CSMD3: variants seen among roughly 807,000 people sequenced by gnomAD.
CSMD3 encodes the protein CUB and Sushi multiple domains 3, also known as CUB and sushi domain-containing protein 3.
CSMD3 carries 177 observed loss-of-function variants against 435.2 expected under a neutral mutation model. That is an observed-to-expected ratio of 0.41 (90% confidence interval 0.36 to 0.46). The LOEUF (loss-of-function observed/expected upper bound fraction) is 0.46. Ranked by LOEUF, CSMD3 falls within the 20% of genes least tolerant of loss-of-function variation. The probability of loss-of-function intolerance (pLI) is 0.34; values close to 1 mark genes in which losing one functional copy is unlikely to be tolerated. For missense variants in CSMD3, 4,265 were observed against 4,504.6 expected, an observed-to-expected ratio of 0.95 and a Z score of 1.52; for synonymous variants, 1,656 against 1,520.5, an observed-to-expected ratio of 1.09 and a Z score of -2.07.
intron 23 of CSMD3, among the ~76,000 whole-genome samples, chr8:112,585,811 C>A (rs961169137): frequency 1.3e-5 from 2 of 151,450 alleles, no homozygotes; most frequent in African/African-American, 4.8e-5. Flanking sequence ...ATACATTTTC[C>A]CCCCATAATT....
chr8:112,383,579 C>T lies in CSMD3; in HGVS notation c.6019G>A (p.Gly2007Arg), dbSNP rs2131254379. Residue 2007 changes from glycine to arginine, a missense_variant, in exon 37 of 71, where the codon GGA (glycine) becomes AGA (arginine). Around this residue, in one of 3 missense-constraint regions of CSMD3, gnomAD observed 3,255 missense variants for 3,380.2 expected, o/e 0.96. Transcript: ENST00000297405. The stretch of plus-strand genomic sequence containing the variant: ...CTCTCTTATTTACCTGAATAGCTTC[C>T]AAGTCTTGGAGCATTGTTGTCTCCC... ...DGGDNNAPRLGSYSGTTIPHL... is the reference protein window; with the variant it reads ...DGGDNNAPRLRSYSGTTIPHL... The T allele has an allele frequency of 1.3e-6, 2 of 1,568,316 alleles. No individual in the cohort carries two copies. The highest frequency in any genetic ancestry group is 1.8e-6 in the Non-Finnish European group (2 of 1,138,534).
At chr8:112,890,009 T>C (rs2081735277) in intron 10 of CSMD3, among the ~76,000 whole-genome samples, 4 of 151,642 alleles carry the variant, frequency 2.6e-5, no homozygotes, top group Admixed American at 2.0e-4. Flanking sequence ...TTTTTATGTG[T>C]AATATATGTG....
At chr8:113,162,313 C>T (rs745536085) in intron 4 of CSMD3, among the ~76,000 whole-genome samples, 3 of 151,828 alleles carry the variant, frequency 2.0e-5, no homozygotes, top group African/African-American at 4.8e-5. Context: ...CGGTAGCTCA[C>T]GCCTGTAATC....
At chr8:113,359,184 C>T (rs1245499906) in intron 1 of CSMD3, among the ~76,000 whole-genome samples, 3 of 152,078 alleles carry the variant, frequency 2.0e-5, no homozygotes, top group South Asian at 2.1e-4. Flanking sequence ...AAGGTACTGG[C>T]GAAGCAAATC....
chr8:112,292,437 A>C, intron 55 of CSMD3, 100 bp downstream of exon 55: 1 of 1,207,484 alleles, frequency 8.3e-7, no homozygotes, highest in Non-Finnish European at 1.2e-6. Context: ...ATTAGATAAA[A>C]ACTTTTTACT....
At chr8:112,514,081 C>A (rs1037801306) in intron 28 of CSMD3, among the ~76,000 whole-genome samples, 2 of 152,034 alleles carry the variant, frequency 1.3e-5, no homozygotes, top group African/African-American at 4.8e-5. Context: ...CTTCTAGAGA[C>A]AAGGTCTTAC....
intron 13 of CSMD3, among the ~76,000 whole-genome samples, chr8:112,746,557 T>C: frequency 6.6e-6 from 1 of 152,212 alleles, no homozygotes; most frequent in East Asian, 1.9e-4. Context: ...ATATATAGTG[T>C]TGTTCTTTCT....
At chr8:112,950,540 A>C (rs1259174616) in intron 8 of CSMD3, among the ~76,000 whole-genome samples, 3 of 152,058 alleles carry the variant, frequency 2.0e-5, no homozygotes. Context: ...TATTTTATAT[A>C]AATTTAAATG....
chr8:113,081,037 T>C (rs567820225), intron 5 of CSMD3, among the ~76,000 whole-genome samples: 1 of 152,198 alleles, frequency 6.6e-6, no homozygotes, highest in Non-Finnish European at 1.5e-5. Flanking sequence ...TAATTTTATA[T>C]TGTTCTTCTT....
At chr8:112,370,144 C>T (rs900736758) in intron 38 of CSMD3, among the ~76,000 whole-genome samples, 4 of 151,288 alleles carry the variant, frequency 2.6e-5, no homozygotes, top group Non-Finnish European at 5.9e-5. Context: ...AAGGCATAGC[C>T]CATAGTCATA....
intron 20 of CSMD3, 78 bp from the exon 21 acceptor site, chr8:112,638,989 G>T: frequency 3.1e-6 from 3 of 957,868 alleles, no homozygotes; most frequent in Non-Finnish European, 5.0e-6. Context: ...CTAACTATTA[G>T]CCAGGACTTT....
chr8:112,321,595 T>A (rs1823001494), intron 45 of CSMD3, among the ~76,000 whole-genome samples: 2 of 152,146 alleles, frequency 1.3e-5, no homozygotes, highest in Admixed American at 6.6e-5. Flanking sequence ...AATTGGCTAA[T>A]AAACATTCAG....
chr8:113,132,767 A>G (rs150339570), intron 4 of CSMD3, among the ~76,000 whole-genome samples: 239 of 152,310 alleles, frequency 1.6e-3, no homozygotes, highest in African/African-American at 5.5e-3. Flanking sequence ...GAAATGCCCA[A>G]TGAGACTGTG....
chr8:112,493,112 G>T (rs1820870133), intron 30 of CSMD3, among the ~76,000 whole-genome samples: 1 of 152,008 alleles, frequency 6.6e-6, no homozygotes, highest in Non-Finnish European at 1.5e-5. Context: ...TTTTGGGGGG[G>T]CTCAAAGTAC....
At chr8:112,632,743 A>T (rs2074551280) in intron 22 of CSMD3, among the ~76,000 whole-genome samples, 1 of 152,036 alleles carries the variant, frequency 6.6e-6, no homozygotes, top group Admixed American at 6.5e-5. Context: ...ATGTACTTAT[A>T]TCTTAAACAA....
chr8:113,112,472 CGT>C (rs755445916), intron 4 of CSMD3, among the ~76,000 whole-genome samples: 1,254 of 38,202 alleles, frequency 0.033, 75 homozygotes, highest in African/African-American at 0.11. Flanking sequence ...CACACACACA[CGT>C]ACACACACAC....
At chr8:112,361,774 A>G (rs1827265629) in intron 38 of CSMD3, among the ~76,000 whole-genome samples, 1 of 151,344 alleles carries the variant, frequency 6.6e-6, no homozygotes. Context: ...CAACCTATGT[A>G]TCTATTTATT....
At position 113,332,237 on chromosome 8, in the gene CSMD3, C is replaced by A. The variant is rs187252317; in HGVS notation, c.179-17444G>T. Among the ~76,000 whole-genome samples the A allele has an allele frequency of 1.7e-3, 261 of 149,596 alleles. 1 individual carries two copies. Among genetic ancestry groups the A allele is most frequent in the Non-Finnish European group, 3.3e-3 (222 of 67,274 alleles). On this transcript the variant is annotated intron_variant, in intron 1 of 70. Coordinates refer to ENST00000297405, the MANE Select transcript of CSMD3 (RefSeq NM_198123.2). ...GCTATAAAAATGCTAATAATGTAAG[C>A]ATATACTGTTGGGAAAATGGTGCCT...
intron 4 of CSMD3, among the ~76,000 whole-genome samples, chr8:113,106,248 A>C (rs2090472519): frequency 6.6e-6 from 1 of 152,264 alleles, no homozygotes; most frequent in African/African-American, 2.4e-5. Context: ...CTCAGTGACC[A>C]CAGTGAGGAA....
Sources: gnomAD v4.1 joint callset for allele counts (sites outside exome capture counted in the v4.1 genomes callset) on GRCh38, gnomAD v4.1.1 for gene constraint, gnomAD v4.1.1 regional missense constraint, MANE v1.5 for transcripts, NCBI Gene and HGNC (gene_info 2026-07-23, HGNC 2026-07-21) for gene names.